Variants in ADRA1D observed in about 807,000 individuals in gnomAD.
The protein encoded by ADRA1D is adrenoceptor alpha 1D.
A neutral mutation model predicts 18.6 loss-of-function variants in ADRA1D; 22 were observed. That is an observed-to-expected ratio of 1.19 (90% CI 0.85 to 1.69). ADRA1D has a LOEUF of 1.69. ADRA1D is among the 40% of genes most tolerant of loss of function. The pLI is 0.00. For synonymous variants in ADRA1D, 376 were observed against 388.2 expected (o/e 0.97, Z 0.37); for missense variants, 840 against 840.7 (o/e 1.00, Z 0.01).
chr20:4,225,854 C>T (rs1048394062), intron 1 of ADRA1D, among the ~76,000 whole-genome samples: 1 of 152,052 alleles, frequency 6.6e-6, no homozygotes, highest in Non-Finnish European at 1.5e-5. Flanking sequence ...GGGCCACTGG[C>T]GCATTAGTCA....
At chr20:4,225,444 T>TTTTTGA (rs1980774285) in intron 1 of ADRA1D, among the ~76,000 whole-genome samples, 1 of 148,606 alleles carries the variant, frequency 6.7e-6, no homozygotes, top group African/African-American at 2.5e-5. Flanking sequence ...TTTTTTTTTT[T>TTTTTGA]GAGACAGGGT....
chr20:4,240,654 C>A (rs571939795), intron 1 of ADRA1D, among the ~76,000 whole-genome samples: 16 of 152,076 alleles, frequency 1.1e-4, no homozygotes, highest in Non-Finnish European at 2.1e-4. Flanking sequence ...ATTAGCTGGG[C>A]ATGGTGGTGC....
chr20:4,231,297 T>A (rs915992956), intron 1 of ADRA1D, among the ~76,000 whole-genome samples: 3 of 81,512 alleles, frequency 3.7e-5, no homozygotes, highest in South Asian at 4.4e-4. Context: ...TATTATTATT[T>A]TTGTAAAGAC....
At position 4,248,689 on chromosome 20, in the gene ADRA1D, A is replaced by T. The variant is rs766797854; in HGVS notation, c.269T>A (p.Leu90Gln). The change falls in exon 1 of 2, where the codon CTG (leucine) becomes CAG (glutamine). Residue 90 changes from leucine (L) to glutamine (Q), a missense_variant. Transcript: ENST00000379453. The part of the protein sequence containing the change: ...DVNGTAAVGG[L>Q]VVSAQGVGVG... ...GCCCACGCCCTGCGCGCTCACCACC[A>T]GTCCCCCGACGGCCGCCGTGCCATT... 6.3e-7 allele frequency: 1 copy of T among 1,585,236 alleles called. No homozygotes were observed. Among genetic ancestry groups the T allele is most frequent in the Admixed American group, 1.8e-5 (1 of 55,456 alleles).
Position 4,248,010 on chromosome 20 carries a change from G to A in ADRA1D, c.948C>T (p.Asp316=), listed in dbSNP as rs763366368. Residue 316 remains aspartate, a synonymous_variant, in exon 1 of 2, where the codon GAC becomes GAT. Transcript: ENST00000379453. ...TGGCGCTGCGCATGCCGTGCGCCCC[G>A]TCGGCGCCCGTGGCCGCGCCGCGAC... ...IHCRGAATGA[D]GAHGMRSAKG... is the part of the protein sequence containing the mutation. 7.1e-6 allele frequency: 11 copies of A among 1,557,914 alleles called. No homozygotes were observed. The Admixed American group carries it at 1.2e-4, about 17-fold the overall frequency.
intron 1 of ADRA1D, among the ~76,000 whole-genome samples, chr20:4,232,199 C>T (rs1600848218): frequency 6.6e-6 from 1 of 152,242 alleles, no homozygotes; most frequent in Non-Finnish European, 1.5e-5. Flanking sequence ...CAGGCATTCG[C>T]CACTGCGCCC....
At chr20:4,240,360 A>C (rs544708749) in intron 1 of ADRA1D, among the ~76,000 whole-genome samples, 1 of 151,568 alleles carries the variant, frequency 6.6e-6, no homozygotes, top group Non-Finnish European at 1.5e-5. Context: ...CACTAAGTAG[A>C]TATTTGATGA....
chr20:4,237,837 T>C (rs1014857316), intron 1 of ADRA1D, among the ~76,000 whole-genome samples: 9 of 39,454 alleles, frequency 2.3e-4, no homozygotes, highest in Non-Finnish European at 3.9e-4. Flanking sequence ...CTAATTTTTG[T>C]ATTTATTTAT....
chr20:4,231,973 C>T (rs1980980441), intron 1 of ADRA1D, among the ~76,000 whole-genome samples: 2 of 151,980 alleles, frequency 1.3e-5, no homozygotes, highest in African/African-American at 4.8e-5. Context: ...AGTGCAATGG[C>T]GTGATCCTGG....
chr20:4,246,877 G>A (rs946189), intron 1 of ADRA1D, among the ~76,000 whole-genome samples: 128,484 of 152,112 alleles, frequency 0.84, 54,677 homozygotes, highest in Middle Eastern at 0.95. Context: ...CAGGAAGGAG[G>A]CCATTGTCTC....
At chr20:4,247,744 A>C in intron 1 of ADRA1D, 103 bp downstream of exon 1, 1 of 1,324,032 alleles carries the variant, frequency 7.6e-7, no homozygotes. Context: ...TGCTAAGTCA[A>C]CCTTCTAGGT....
Position 4,248,093 on chromosome 20 carries a change from C to T in ADRA1D, c.865G>A (p.Glu289Lys). ...VVARSTTRSLEAGVKRERGKA... is the reference protein window; with the variant it reads ...VVARSTTRSLKAGVKRERGKA... ...CCTCGCTCGCGCTTGACGCCCGCCTCGAGGCTGCGCGTGGTGCTGCGCGCG... is the reference window on the plus strand; with the variant it reads ...CCTCGCTCGCGCTTGACGCCCGCCTTGAGGCTGCGCGTGGTGCTGCGCGCG... The change falls in exon 1 of 2, where the codon GAG (glutamate) becomes AAG (lysine). Residue 289 changes from glutamate to lysine, a missense_variant. By Grantham distance (56) the Glu-to-Lys change is moderately conservative (BLOSUM62 1). Transcript: ENST00000379453. 1 of 1,554,678 alleles carries T rather than the reference C, an allele frequency of 6.4e-7. No individual in the cohort carries two copies. Among genetic ancestry groups the T allele is most frequent in the Non-Finnish European group, 8.7e-7 (1 of 1,149,438 alleles).
intron 1 of ADRA1D, among the ~76,000 whole-genome samples, chr20:4,246,208 A>G (rs1177211640): frequency 6.6e-6 from 1 of 152,200 alleles, no homozygotes; most frequent in African/African-American, 2.4e-5. Context: ...GTGATGACCC[A>G]GGTGACACAG....
Position 4,248,286 on chromosome 20 carries a change from G to T in ADRA1D, c.672C>A (p.Ala224=). The change falls in exon 1 of 2, where the codon GCC becomes GCA. Residue 224 remains alanine (A), a synonymous_variant. Transcript: ENST00000379453. The stretch of plus-strand genomic sequence containing the variant: ...GCAGGGGCCCTACGGACACCACCAG[G>T]GCTACGACCCAGAGCAGGGCCAGGA... ...AAILALLWVV[A]LVVSVGPLLG... is the part of the protein sequence containing the mutation. 1.2e-6 allele frequency: 2 copies of T among 1,608,538 alleles called. No homozygotes were observed. The highest frequency in any genetic ancestry group is 2.2e-5 in the South Asian group (2 of 90,062).
In ADRA1D at chr20:4,248,901, G is replaced by A. The variant is rs1004395112; in HGVS notation, c.57C>T (p.Ser19=). Residue 19 remains serine (S), a synonymous_variant, in exon 1 of 2, where the codon AGC becomes AGT. Transcript: ENST00000379453. Reference sequence around the variant, plus strand: ...CGCCGCCCGCGCTGGAGCCCCCTGCGCTGCTGTCCGGGCGGGGTCCCTCGA... The same window carrying A: ...CGCCGCCCGCGCTGGAGCCCCCTGCACTGCTGTCCGGGCGGGGTCCCTCGA... ...VSFEGPRPDS[S]AGGSSAGGGG... 41 of 1,299,120 alleles carry A rather than the reference G, an allele frequency of 3.2e-5. No homozygotes were observed. The highest frequency in any genetic ancestry group is 4.1e-5 in the Non-Finnish European group (41 of 1,011,152). 80.5% of individuals were successfully genotyped at this position (1,299,120 alleles called of 1,614,324 possible). A position where few individuals can be genotyped will look rare whatever the true frequency, so the allele number is the denominator to read the frequency against.
At chr20:4,244,651 G>A (rs7273371) in intron 1 of ADRA1D, among the ~76,000 whole-genome samples, 27,342 of 152,134 alleles carry the variant, frequency 0.18, 2,611 homozygotes, top group Middle Eastern at 0.21. Context: ...TTCCTTCAAA[G>A]GTATCTCCCT....
At chr20:4,242,018 G>C (rs1260140919) in intron 1 of ADRA1D, among the ~76,000 whole-genome samples, 1 of 152,230 alleles carries the variant, frequency 6.6e-6, no homozygotes, top group Non-Finnish European at 1.5e-5. Context: ...GTATGGAACT[G>C]TCCCAGCCCT....
At chr20:4,233,563 C>A (rs1350887320) in intron 1 of ADRA1D, among the ~76,000 whole-genome samples, 1 of 152,084 alleles carries the variant, frequency 6.6e-6, no homozygotes, top group African/African-American at 2.4e-5. Context: ...AAAAAAAATC[C>A]TTCAAGAAGA....
rs1022541401 is a variant in ADRA1D at position 4,222,332 on chromosome 20, T to C, written c.1112-202A>G. On this transcript the variant is annotated intron_variant, in intron 1 of 1. Transcript: ENST00000379453. The surrounding 1 kb of genome is among the most constrained non-coding windows in gnomAD (Gnocchi z 4.3). ...TGTTTTCACTCACCTCTACCTGATATTGAGGATTACCTTCAATGAATGTAG... is the reference window on the plus strand; with the variant it reads ...TGTTTTCACTCACCTCTACCTGATACTGAGGATTACCTTCAATGAATGTAG... The C allele has an allele frequency of 1.6e-6, 1 of 643,450 alleles. No homozygotes were observed. The highest frequency in any genetic ancestry group is 3.2e-5 in the South Asian group (1 of 31,222). The allele number at this position is 643,450 out of a possible 1,614,324, so 39.9% of individuals were successfully genotyped here.
Sources: gnomAD v4.1 joint callset for allele counts (sites outside exome capture counted in the v4.1 genomes callset) on GRCh38, gnomAD v4.1.1 for gene constraint, Gnocchi (gnomAD v3.1) non-coding constraint, MANE v1.5 for transcripts, NCBI Gene and HGNC (gene_info 2026-07-23, HGNC 2026-07-21) for gene names.